Variants in OR9Q1 observed in about 807,000 individuals in gnomAD.
OR9Q1 encodes the protein olfactory receptor 9Q1.
For synonymous variants in OR9Q1, 153 were observed against 148.6 expected, an observed-to-expected ratio of 1.03 and a Z score of -0.22; for missense variants, 374 against 378.8, an observed-to-expected ratio of 0.99 and a Z score of 0.11.
At chr11:58,036,586 G>A (rs1027672791) in intron 1 of OR9Q1, among the ~76,000 whole-genome samples, 15 of 152,346 alleles carry the variant, frequency 9.8e-5, no homozygotes, top group Non-Finnish European at 1.8e-4. Context: ...GTGCCATTAA[G>A]AGCACTCATG....
At chr11:58,025,564 G>A (rs1044303557) in intron 1 of OR9Q1, among the ~76,000 whole-genome samples, 1 of 152,158 alleles carries the variant, frequency 6.6e-6, no homozygotes, top group African/African-American at 2.4e-5. Context: ...ACGTGTTGGG[G>A]CAGGGGGGAA....
chr11:58,054,925 A>G (rs1329556846), intron 1 of OR9Q1, among the ~76,000 whole-genome samples: 1 of 152,242 alleles, frequency 6.6e-6, no homozygotes, highest in Non-Finnish European at 1.5e-5. Context: ...CTTTGTCTCA[A>G]ACAACAACAA....
rs751898571 is a variant in OR9Q1 at position 58,180,346 on chromosome 11, G to GA, written c.907dup (p.Ile303AsnfsTer4). ...AACAAGGAAGTGAAGGAGGCCCTGA[G>GA]AAAAATTCTCAATAGAGCCAAGTTG... is the stretch of plus-strand genomic sequence containing the variant. On this transcript the variant is annotated frameshift_variant, in exon 3 of 3. Transcript: ENST00000335397. LOFTEE classifies it low-confidence loss of function (END_TRUNC). The GA allele has an allele frequency of 3.3e-5, 53 of 1,597,786 alleles. No homozygotes were observed. In the Admixed American group the frequency reaches 7.7e-4, roughly 23 times the overall value.
intron 2 of OR9Q1, among the ~76,000 whole-genome samples, chr11:58,168,514 A>T (rs990944976): frequency 6.6e-6 from 1 of 152,156 alleles, no homozygotes. Flanking sequence ...TGGGTGAAGC[A>T]TTCCTTCTCA....
intron 2 of OR9Q1, among the ~76,000 whole-genome samples, chr11:58,101,905 C>T (rs1052797878): frequency 6.6e-6 from 1 of 152,116 alleles, no homozygotes; most frequent in Admixed American, 6.5e-5. Flanking sequence ...CACCACCACA[C>T]CTGGCTAATT....
intron 2 of OR9Q1, among the ~76,000 whole-genome samples, chr11:58,093,390 A>C (rs541993603): frequency 1.3e-5 from 2 of 152,316 alleles, no homozygotes; most frequent in African/African-American, 4.8e-5. Flanking sequence ...AAAGGAAAAC[A>C]TACAAATGAC....
intron 1 of OR9Q1, among the ~76,000 whole-genome samples, chr11:58,033,275 A>G (rs560944603): frequency 2.6e-4 from 40 of 152,178 alleles, no homozygotes; most frequent in Non-Finnish European, 4.4e-4. Flanking sequence ...AAGTAAAATA[A>G]TCGTTCTATC....
intron 2 of OR9Q1, among the ~76,000 whole-genome samples, chr11:58,133,752 G>A (rs1356912814): frequency 6.6e-6 from 1 of 152,186 alleles, no homozygotes; most frequent in East Asian, 1.9e-4. Flanking sequence ...CTTGTAAAAT[G>A]CTGGCAGGTG....
intron 2 of OR9Q1, among the ~76,000 whole-genome samples, chr11:58,143,081 G>A (rs1854266097): frequency 1.3e-5 from 2 of 152,260 alleles, no homozygotes; most frequent in South Asian, 4.1e-4. Context: ...CCTAAAGAAA[G>A]GTGGAGTTGA....
intron 1 of OR9Q1, among the ~76,000 whole-genome samples, chr11:58,053,630 A>T (rs1014683241): frequency 0.092 from 6,875 of 74,858 alleles, 359 homozygotes; most frequent in Middle Eastern, 0.21. Flanking sequence ...TATATATAAA[A>T]TATATATATA....
intron 2 of OR9Q1, among the ~76,000 whole-genome samples, chr11:58,157,012 A>T (rs571777080): frequency 6.6e-6 from 1 of 152,300 alleles, no homozygotes; most frequent in African/African-American, 2.4e-5. Context: ...GCCTTGTAGC[A>T]TATTGTTTCA....
chr11:58,048,797 A>G (rs1853248091), intron 1 of OR9Q1, among the ~76,000 whole-genome samples: 1 of 129,454 alleles, frequency 7.7e-6, no homozygotes, highest in Non-Finnish European at 1.6e-5. Context: ...ACAAACTGCC[A>G]TCAGAGAATA....
intron 2 of OR9Q1, among the ~76,000 whole-genome samples, chr11:58,175,105 CA>C (rs57623932): frequency 0.047 from 3,274 of 69,098 alleles, 59 homozygotes; most frequent in African/African-American, 0.18. Context: ...GACTCTGTCT[CA>C]AAAAAAAAAA....
At chr11:58,178,943 A>T (rs1386199793) in intron 2 of OR9Q1, among the ~76,000 whole-genome samples, 3 of 96,104 alleles carry the variant, frequency 3.1e-5, no homozygotes, top group African/African-American at 5.8e-5. Flanking sequence ...TTTATATATA[A>T]TATATATTTA....
At chr11:58,107,542 TG>T in intron 2 of OR9Q1, among the ~76,000 whole-genome samples, 1 of 152,298 alleles carries the variant, frequency 6.6e-6, no homozygotes, top group Admixed American at 6.5e-5. Flanking sequence ...TCCAAGTCTT[TG>T]CTATTGTGAA....
intron 2 of OR9Q1, among the ~76,000 whole-genome samples, chr11:58,133,548 T>G (rs1257619709): frequency 2.6e-5 from 4 of 152,226 alleles, no homozygotes; most frequent in Admixed American, 2.6e-4. Context: ...ACTTAGCATC[T>G]TTGTGTCTTG....
At chr11:58,131,588 A>T (rs1854141774) in intron 2 of OR9Q1, among the ~76,000 whole-genome samples, 1 of 152,028 alleles carries the variant, frequency 6.6e-6, no homozygotes, top group African/African-American at 2.4e-5. Flanking sequence ...TTTCTCCTTT[A>T]CCTAAGAGTT....
chr11:58,041,170 C>G (rs1296605272), intron 1 of OR9Q1: 1 of 152,646 alleles, frequency 6.6e-6, no homozygotes, highest in African/African-American at 2.4e-5. Flanking sequence ...GTTTCACAGG[C>G]TGAGGGGGCC....
At chr11:58,098,144 G>C (rs1853749100) in intron 2 of OR9Q1, among the ~76,000 whole-genome samples, 1 of 152,122 alleles carries the variant, frequency 6.6e-6, no homozygotes, top group African/African-American at 2.4e-5. Context: ...AATATGTATA[G>C]AACTGGCATT....
Sources: gnomAD v4.1 joint callset for allele counts (sites outside exome capture counted in the v4.1 genomes callset) on GRCh38, gnomAD v4.1.1 for gene constraint, MANE v1.5 for transcripts, NCBI Gene and HGNC (gene_info 2026-07-23, HGNC 2026-07-21) for gene names.